The following CGA variants were observed in gnomAD, a reference collection of about 807,000 sequenced individuals.
CGA encodes glycoprotein hormones alpha chain.
A neutral mutation model predicts 12.0 loss-of-function variants in CGA; 4 were observed. The ratio of observed to expected loss-of-function variants is 0.33; its 90% CI spans 0.16 to 0.76. The LOEUF (loss-of-function observed/expected upper bound fraction) is 0.76, where lower values mean the gene tolerates loss of function less well. Among genes scored for constraint, CGA ranks in the 30% least tolerant of loss-of-function variants. The probability of loss-of-function intolerance (pLI) is 0.60; values close to 1 mark genes in which losing one functional copy is unlikely to be tolerated. For synonymous variants in CGA, 60 were observed against 56.6 expected (o/e 1.06, Z -0.27); for missense variants, 102 against 143.5 (o/e 0.71, Z 1.48).
chr6:87,094,762 C>A (rs1290346556), intron 1 of CGA: 1 of 152,148 alleles, frequency 6.6e-6, no homozygotes, highest in Non-Finnish European at 1.5e-5. Context: ...TTTTTAGATC[C>A]TGACAGGCAC....
At chr6:87,091,702 C>A (rs151138131) in intron 1 of CGA, among the ~76,000 whole-genome samples, 205 of 152,262 alleles carry the variant, frequency 1.3e-3, no homozygotes, top group Middle Eastern at 3.4e-3. Context: ...TCTTTCTCTC[C>A]CTTTTCAGTT....
At chr6:87,094,299 C>G (rs1266299033) in intron 1 of CGA, among the ~76,000 whole-genome samples, 1 of 152,160 alleles carries the variant, frequency 6.6e-6, no homozygotes, top group East Asian at 1.9e-4. Context: ...TTTCTAGTGT[C>G]TATTTCCCAA....
intron 1 of CGA, among the ~76,000 whole-genome samples, chr6:87,089,772 T>A (rs139301442): frequency 1.1e-4 from 16 of 152,260 alleles, no homozygotes; most frequent in African/African-American, 3.6e-4. Context: ...AAATCTGAAA[T>A]GGCCCACAAT....
chr6:87,088,231 A>C (rs779513216), intron 1 of CGA, 24 bp from the exon 2 acceptor site: 29 of 1,348,312 alleles, frequency 2.2e-5, no homozygotes, highest in East Asian at 1.0e-4. Context: ...TGGCAAAAAA[A>C]AAAAAACAAA....
chr6:87,092,970 G>A (rs1388114885), intron 1 of CGA, among the ~76,000 whole-genome samples: 2 of 151,824 alleles, frequency 1.3e-5, no homozygotes, highest in Non-Finnish European at 2.9e-5. Context: ...GTAGAGACAG[G>A]GTTTCTCTAT....
At chr6:87,090,804 A>ATTT (rs71014987) in intron 1 of CGA, among the ~76,000 whole-genome samples, 34,809 of 139,972 alleles carry the variant, frequency 0.25, 4,942 homozygotes, top group East Asian at 0.42. Context: ...CGCTTGGCTA[A>ATTT]TTTTTTTTTT....
chr6:87,094,795 T>C (rs1007515451), intron 1 of CGA: 10 of 152,274 alleles, frequency 6.6e-5, no homozygotes, highest in Middle Eastern at 3.4e-3. Flanking sequence ...GCAGGAGACA[T>C]TGGGTTTCTG....
intron 2 of CGA, 60 bp downstream of exon 2, chr6:87,088,053 G>A (rs1333648120): frequency 1.2e-6 from 1 of 858,022 alleles, no homozygotes; most frequent in Admixed American, 2.5e-5. Flanking sequence ...TGGAGTTATT[G>A]ATGTACATCT....
chr6:87,093,136 T>G (rs1769471902), intron 1 of CGA, among the ~76,000 whole-genome samples: 1 of 152,172 alleles, frequency 6.6e-6, no homozygotes, highest in African/African-American at 2.4e-5. Flanking sequence ...GTGTCATATA[T>G]TAAAAAACTA....
chr6:87,089,381 GT>G (rs1769388202), intron 1 of CGA, among the ~76,000 whole-genome samples: 1 of 152,070 alleles, frequency 6.6e-6, no homozygotes, highest in African/African-American at 2.4e-5. Context: ...TTATGTGTGT[GT>G]GTGTGTGTCT....
intron 1 of CGA, 133 bp from the exon 2 acceptor site, chr6:87,088,340 T>C (rs1163888780): frequency 2.1e-6 from 1 of 468,500 alleles, no homozygotes; most frequent in Admixed American, 3.8e-5. Flanking sequence ...CTCCCTGCTT[T>C]TAGCTCCCAA....
intron 1 of CGA, among the ~76,000 whole-genome samples, chr6:87,088,693 C>A (rs963314065): frequency 1.3e-5 from 2 of 152,030 alleles, no homozygotes; most frequent in Non-Finnish European, 2.9e-5. Flanking sequence ...ATTAAAACTA[C>A]AATGACATAT....
chr6:87,092,273 T>C (rs1769446291), intron 1 of CGA, among the ~76,000 whole-genome samples: 1 of 152,216 alleles, frequency 6.6e-6, no homozygotes. Flanking sequence ...TCTGTCTTTG[T>C]ATTTTTATCT....
chr6:87,086,434 TCTATCAGGG>T lies in CGA; in HGVS notation c.89-9_89-1del. ...TTCCTGTAGCGTGCATTCTGGGCAA[TCTATCAGGG>T]AAAAAAAAAGGCAGAGTAAAATATC... On this transcript the variant is annotated splice_acceptor_variant and splice_polypyrimidine_tract_variant and intron_variant, in intron 2 of 3. Coordinates refer to ENST00000627148, the MANE Select transcript of CGA (RefSeq NM_000735.4). LOFTEE classifies it high-confidence loss of function. 1 of 1,580,108 alleles carries T rather than the reference TCTATCAGGG, an allele frequency of 6.3e-7. No individual in the cohort carries two copies. The highest frequency in any genetic ancestry group is 8.6e-7 in the Non-Finnish European group (1 of 1,168,366).
intron 1 of CGA, chr6:87,089,189 A>G (rs1279358912): frequency 1.3e-5 from 2 of 152,252 alleles, no homozygotes; most frequent in Admixed American, 6.5e-5. Flanking sequence ...ACAAAATTAT[A>G]GAGATAGAGA....
chr6:87,087,771 T>C (rs575591524), intron 2 of CGA: 1 of 165,402 alleles, frequency 6.0e-6, no homozygotes, highest in African/African-American at 2.4e-5. Context: ...ACAAAGGCAA[T>C]GTTAAAATCT....
At chr6:87,088,522 G>A (rs937650143) in intron 1 of CGA, among the ~76,000 whole-genome samples, 6 of 151,770 alleles carry the variant, frequency 4.0e-5, no homozygotes, top group African/African-American at 1.5e-4. Context: ...CTGTCATCCT[G>A]TTAAGAAGCC....
intron 1 of CGA, among the ~76,000 whole-genome samples, chr6:87,090,000 A>G (rs1769402530): frequency 6.6e-6 from 1 of 152,206 alleles, no homozygotes; most frequent in Non-Finnish European, 1.5e-5. Flanking sequence ...TCCAAAAAAA[A>G]TTAAAATCTA....
chr6:87,085,688 A>G lies in CGA; in HGVS notation c.*68T>C, dbSNP rs1228405971. 31 of 1,092,712 alleles carry G rather than the reference A, an allele frequency of 2.8e-5. No homozygotes were observed. The highest frequency in any genetic ancestry group is 4.3e-5 in the Non-Finnish European group (31 of 719,226). The allele number at this position is 1,092,712 out of a possible 1,614,324, so 67.7% of individuals were successfully genotyped here. ...GAGAGTTTTATCTCACAAAGCCATA[A>G]ACACTAAACAACTTAATTTTCCATT... On this transcript the variant is annotated 3_prime_UTR_variant, in exon 4 of 4. Coordinates refer to ENST00000627148, the MANE Select transcript of CGA (RefSeq NM_000735.4).
Sources: allele counts gnomAD v4.1 joint callset (sites outside exome capture counted in the v4.1 genomes callset), GRCh38; gene constraint gnomAD v4.1.1; transcripts MANE v1.5; gene names NCBI Gene and HGNC (gene_info 2026-07-23, HGNC 2026-07-21).